CYP1B1: variants seen among roughly 807,000 people sequenced by gnomAD.
CYP1B1 encodes cytochrome P450 1B1.
Under a neutral mutation model 29.9 loss-of-function variants are expected in CYP1B1, and 22 were observed. The observed-to-expected ratio is 0.74, with a 90% CI of 0.53 to 1.05. The LOEUF (loss-of-function observed/expected upper bound fraction) is 1.05, where lower values mean the gene tolerates loss of function less well. Ranked by LOEUF, CYP1B1 falls within the 50% of genes least tolerant of loss-of-function variation. The pLI, the probability that CYP1B1 is intolerant of heterozygous loss-of-function variation, is 0.00. For synonymous variants in CYP1B1, 375 were observed against 320.0 expected, an observed-to-expected ratio of 1.17 and a Z score of -1.83; for missense variants, 883 against 746.9, an observed-to-expected ratio of 1.18 and a Z score of -2.12.
Position 38,075,321 on chromosome 2 carries a change from A to G in CYP1B1, c.68T>C (p.Leu23Pro), listed in dbSNP as rs1573276398. 1 of 1,612,736 alleles carries G rather than the reference A, an allele frequency of 6.2e-7. No homozygotes were observed. Among genetic ancestry groups the G allele is most frequent in the Non-Finnish European group, 8.5e-7 (1 of 1,179,816 alleles). ...LNPLSIQQTT[L>P]LLLLSVLATV... ...GGCCAGCACCGACAGGAGTAGCAGG[A>G]GCGTGGTCTGCTGGATGGACAGCGG... Residue 23 changes from leucine to proline, a missense_variant, in exon 2 of 3, where the codon CTC becomes CCC. Transcript: ENST00000610745.
Position 38,070,506 on chromosome 2 carries a change from T to G in CYP1B1, c.*216A>C, listed in dbSNP as rs540036718. 1.8e-6 allele frequency: 1 copy of G among 552,126 alleles called. No homozygotes were observed. The highest frequency in any genetic ancestry group is 1.9e-5 in the African/African-American group (1 of 52,814). 34.2% of individuals were successfully genotyped at this position (552,126 alleles called of 1,614,324 possible). A position where few individuals can be genotyped will look rare whatever the true frequency, so the allele number is the denominator to read the frequency against. Reference sequence around the variant, plus strand: ...TAATTCATTGGGCCCTTTAAGTCTTTGACTCAAAAAAATCTCCCAGAAGCT... The same window carrying G: ...TAATTCATTGGGCCCTTTAAGTCTTGGACTCAAAAAAATCTCCCAGAAGCT... On this transcript the variant is annotated 3_prime_UTR_variant, in exon 3 of 3. Transcript: ENST00000610745.
rs113962019 is a variant in CYP1B1, at chr2:38,071,320, G to A, written c.1044-10C>T. On this transcript the variant is annotated splice_polypyrimidine_tract_variant and intron_variant, in intron 2 of 2. Coordinates refer to ENST00000610745, the MANE Select transcript of CYP1B1 (RefSeq NM_000104.4). ...CTGCACATCAGGATACCTGTTTGGTGTTTAATGTGGAGAGAGAAAAGCAAG... is the reference window on the plus strand; with the variant it reads ...CTGCACATCAGGATACCTGTTTGGTATTTAATGTGGAGAGAGAAAAGCAAG... 1 of 1,611,754 alleles carries A rather than the reference G, an allele frequency of 6.2e-7. No homozygotes were observed. Among genetic ancestry groups the A allele is most frequent in the Admixed American group, 1.7e-5 (1 of 59,950 alleles).
Position 38,071,059 on chromosome 2 carries a change from A to G in CYP1B1, c.1295T>C (p.Leu432Pro), listed in dbSNP as rs1172871327. The change falls in exon 3 of 3, where the codon CTG becomes CCG. Residue 432 changes from leucine to proline, a missense_variant. By Grantham distance (98) the Leu-to-Pro change is moderately conservative (BLOSUM62 -3). Transcript: ENST00000610745. The stretch of plus-strand genomic sequence containing the variant: ...AAAGTTCTCCGGGTTAGGCCACTTC[A>G]GTGGGTCATGATTCACAGACCACTG... ...VNQWSVNHDPLKWPNPENFDP... is the reference protein window; with the variant it reads ...VNQWSVNHDPPKWPNPENFDP... 6.2e-7 allele frequency: 1 copy of G among 1,613,724 alleles called. No homozygotes were observed. The highest frequency in any genetic ancestry group is 1.7e-5 in the Admixed American group (1 of 59,980).
chr2:38,072,110 A>G (rs1280674425), intron 2 of CYP1B1, among the ~76,000 whole-genome samples: 1 of 152,272 alleles, frequency 6.6e-6, no homozygotes. Flanking sequence ...ATACGAGGCA[A>G]GAGACATGAA....
intron 2 of CYP1B1, chr2:38,073,340 G>T (rs1573274225): frequency 6.6e-6 from 1 of 152,314 alleles, no homozygotes; most frequent in South Asian, 2.1e-4. Flanking sequence ...TGTGCTCCAA[G>T]AAATGACACA....
At position 38,073,095 on chromosome 2, in the gene CYP1B1, T is replaced by C. The variant is rs145786798; in HGVS notation, c.1043+1251A>G. On this transcript the variant is annotated intron_variant, in intron 2 of 2. Transcript: ENST00000610745. ...CCGGGATTTCCTTTTCCCTGATCTC[T>C]GGTTGACTTTTCTTTATTCGATTTC... Among the ~76,000 whole-genome samples, 103 of 152,368 alleles carry C rather than the reference T, an allele frequency of 6.8e-4. 1 individual carries two copies. The highest frequency in any genetic ancestry group is 2.4e-3 in the African/African-American group (98 of 41,588).
At chr2:38,072,898 GA>G (rs9341254) in intron 2 of CYP1B1, among the ~76,000 whole-genome samples, 81,482 of 151,704 alleles carry the variant, frequency 0.54, 22,628 homozygotes, top group African/African-American at 0.68. Context: ...CACTAAAAAG[GA>G]AAAAAAAAGT....
chr2:38,074,665 C>G lies in CYP1B1; in HGVS notation c.724G>C (p.Asp242His), dbSNP rs750689183. ...AAGTACTGCAGCCAGGGCATCACGT[C>G]CACCAGGCTGCCCGCGCCCACCGTG... ...GRTVGAGSLV[D>H]VMPWLQYFPN... Residue 242 changes from aspartate (D) to histidine (H), a missense_variant, in exon 2 of 3, where the codon GAC (aspartate) becomes CAC (histidine). By Grantham distance (81) the Asp-to-His change is moderately conservative (BLOSUM62 -1). Coordinates refer to ENST00000610745, the MANE Select transcript of CYP1B1 (RefSeq NM_000104.4). The G allele has an allele frequency of 1.2e-5, 19 of 1,613,082 alleles. 2 individuals carry two copies. Among genetic ancestry groups the G allele is most frequent in the Middle Eastern group, 1.6e-4 (1 of 6,084 alleles).
In CYP1B1 at chr2:38,074,701, C is replaced by G. The variant is rs1682494638; in HGVS notation, c.688G>C (p.Glu230Gln). ...EFRELLSHNE[E>Q]FGRTVGAGSL... ...CCCGCGCCCACCGTGCGCCCGAACT[C>G]TTCGTTGTGGCTGAGCAGCTCACGG... Residue 230 changes from glutamate to glutamine, a missense_variant, in exon 2 of 3, where the codon GAG becomes CAG. Coordinates refer to ENST00000610745, the MANE Select transcript of CYP1B1 (RefSeq NM_000104.4). 1 of 1,612,442 alleles carries G rather than the reference C, an allele frequency of 6.2e-7. No homozygotes were observed. Among genetic ancestry groups the G allele is most frequent in the African/African-American group, 1.3e-5 (1 of 75,068 alleles).
At chr2:38,074,269 A>G in intron 2 of CYP1B1, 77 bp downstream of exon 2, 2 of 1,515,986 alleles carry the variant, frequency 1.3e-6, no homozygotes, top group South Asian at 1.2e-5. Context: ...CCCTGCTTGC[A>G]AACTCAGCAT....
rs1015868808 is a variant in CYP1B1 at position 38,069,710 on chromosome 2, TG to T, written c.*1011del. The T allele has an allele frequency of 5.0e-6, 1 of 201,538 alleles. No homozygotes were observed. Among genetic ancestry groups the T allele is most frequent in the Non-Finnish European group, 1.0e-5 (1 of 98,072 alleles). The allele number at this position is 201,538 out of a possible 1,614,324, so 12.5% of individuals were successfully genotyped here. A position where few individuals can be genotyped will look rare whatever the true frequency, so the allele number is the denominator to read the frequency against. On this transcript the variant is annotated 3_prime_UTR_variant, in exon 3 of 3. Coordinates refer to ENST00000610745, the MANE Select transcript of CYP1B1 (RefSeq NM_000104.4). ...TAATCAAGCTCATTTTTAGCACACT[TG>T]GTTGCGTTAGTTGTACTTTTCAATT... is the stretch of plus-strand genomic sequence containing the variant.
rs1375287723 is a variant in CYP1B1, at chr2:38,074,996, G to A, written c.393C>T (p.Ser131=). The change falls in exon 2 of 3, where the codon AGC becomes AGT. Residue 131 remains serine (S), a synonymous_variant. Transcript: ENST00000610745. ...ASFRVVSGGR[S]MAFGHYSEHW... is the part of the protein sequence containing the mutation. Reference sequence around the variant, plus strand: ...GCTCCGAGTAGTGGCCGAAAGCCATGCTGCGGCCGCCGGACACCACACGGA... The same window carrying A: ...GCTCCGAGTAGTGGCCGAAAGCCATACTGCGGCCGCCGGACACCACACGGA... 1 of 1,589,346 alleles carries A rather than the reference G, an allele frequency of 6.3e-7. No individual in the cohort carries two copies. Among genetic ancestry groups the A allele is most frequent in the South Asian group, 1.1e-5 (1 of 89,562 alleles).
Position 38,070,826 on chromosome 2 carries a change from T to G in CYP1B1, c.1528A>C (p.Thr510Pro), listed in dbSNP as rs754565922. ...ACTTTAAATGACTTGGGTTTAATGG[T>G]TAGACCATAACTGAAATTCATTTTC... The part of the protein sequence containing the change: ...PAKMNFSYGL[T>P]IKPKSFKVNV... The change falls in exon 3 of 3, where the codon ACC becomes CCC. Residue 510 changes from threonine (T) to proline (P), a missense_variant. By Grantham distance (38) the Thr-to-Pro change is conservative. Coordinates refer to ENST00000610745, the MANE Select transcript of CYP1B1 (RefSeq NM_000104.4). The G allele has an allele frequency of 6.2e-7, 1 of 1,614,200 alleles. No homozygotes were observed. The highest frequency in any genetic ancestry group is 1.1e-5 in the South Asian group (1 of 91,086).
Position 38,074,879 on chromosome 2 carries a change from C to A in CYP1B1, c.510G>T (p.Val170=). ...PRSRQVLEGH[V]LSEARELVAL... The stretch of plus-strand genomic sequence containing the variant: ...CCACCAGCTCGCGCGCCTCGCTCAG[C>A]ACGTGGCCCTCGAGGACTTGGCGGC... Residue 170 remains valine (V), a synonymous_variant, in exon 2 of 3, where the codon GTG becomes GTT. Transcript: ENST00000610745. 6.4e-7 allele frequency: 1 copy of A among 1,556,178 alleles called. No homozygotes were observed. The highest frequency in any genetic ancestry group is 1.9e-5 in the Admixed American group (1 of 51,878).
In CYP1B1 at chr2:38,072,587, G is replaced by GA. The variant is rs1297341476; in HGVS notation, c.1044-1278dup. Among the ~76,000 whole-genome samples, 4 of 151,908 alleles carry GA rather than the reference G, an allele frequency of 2.6e-5. No homozygotes were observed. The East Asian group carries it at 5.8e-4, about 22-fold the overall frequency. The stretch of plus-strand genomic sequence containing the variant: ...CAAGTAACTGATTGTTTGCAACTCC[G>GA]AAAAAAAATGTATACACGTATGTGA... On this transcript the variant is annotated intron_variant, in intron 2 of 2. Coordinates refer to ENST00000610745, the MANE Select transcript of CYP1B1 (RefSeq NM_000104.4).
Position 38,075,141 on chromosome 2 carries a change from T to TC in CYP1B1, c.247dup (p.Asp83GlyfsTer141), listed in dbSNP as rs1199876416. The TC allele has an allele frequency of 6.3e-7, 1 of 1,575,686 alleles. No individual in the cohort carries two copies. The highest frequency in any genetic ancestry group is 8.6e-7 in the Non-Finnish European group (1 of 1,168,542). ...GCTGCCCAGGCGGATCTGGAAAACGTCGCCGTAGCGCCGCGCCAGGCGAGC... is the reference window on the plus strand; with the variant it reads ...GCTGCCCAGGCGGATCTGGAAAACGTCCGCCGTAGCGCCGCGCCAGGCGAGC... On this transcript the variant is annotated frameshift_variant, in exon 2 of 3. Coordinates refer to ENST00000610745, the MANE Select transcript of CYP1B1 (RefSeq NM_000104.4). LOFTEE classifies it high-confidence loss of function.
At position 38,068,537 on chromosome 2, in the gene CYP1B1, C is replaced by T. The variant is rs1682359647; in HGVS notation, c.*2185G>A. On this transcript the variant is annotated 3_prime_UTR_variant, in exon 3 of 3. Transcript: ENST00000610745. ...CTACAGCAGCCCAAATTCACTGTCT[C>T]AGCCTTGGTGGGGCATAATATTTTG... 4.4e-6 allele frequency: 1 copy of T among 226,584 alleles called. No homozygotes were observed. The highest frequency in any genetic ancestry group is 1.8e-4 in the South Asian group (1 of 5,486). 14.0% of individuals were successfully genotyped at this position (226,584 alleles called of 1,614,324 possible).
At position 38,075,039 on chromosome 2, in the gene CYP1B1, C is replaced by T. The variant is rs1450783755; in HGVS notation, c.350G>A (p.Arg117Gln). The change falls in exon 2 of 3, where the codon CGG becomes CAG. Residue 117 changes from arginine (R) to glutamine (Q), a missense_variant. By Grantham distance (43) the Arg-to-Gln change is conservative (BLOSUM62 1). Transcript: ENST00000610745. ...CACACGGAAGGAGGCGAAGGCCGGC[C>T]GGTCGGCGAAGGCCGAGCCCTGCTG... is the stretch of plus-strand genomic sequence containing the variant. ...LVQQGSAFADRPAFASFRVVS... is the reference protein window; with the variant it reads ...LVQQGSAFADQPAFASFRVVS... The T allele has an allele frequency of 1.9e-6, 3 of 1,588,800 alleles. No homozygotes were observed. Among genetic ancestry groups the T allele is most frequent in the African/African-American group, 1.3e-5 (1 of 74,860 alleles).
chr2:38,075,097 T>C lies in CYP1B1; in HGVS notation c.292A>G (p.Asn98Asp). 1 of 1,581,108 alleles carries C rather than the reference T, an allele frequency of 6.3e-7. No individual in the cohort carries two copies. Among genetic ancestry groups the C allele is most frequent in the Non-Finnish European group, 8.5e-7 (1 of 1,171,330 alleles). Reference sequence around the variant, plus strand: ...GCCTGGTGGATGGCGCGCTCGCCATTCAGCACCACTATGGGGCAGCTGCCC... The same window carrying C: ...GCCTGGTGGATGGCGCGCTCGCCATCCAGCACCACTATGGGGCAGCTGCCC... ...RLGSCPIVVL[N>D]GERAIHQALV... The change falls in exon 2 of 3, where the codon AAT becomes GAT. Residue 98 changes from asparagine to aspartate, a missense_variant. Transcript: ENST00000610745.
Sources: gnomAD v4.1 joint callset for allele counts (sites outside exome capture counted in the v4.1 genomes callset) on GRCh38, gnomAD v4.1.1 for gene constraint, MANE v1.5 for transcripts, NCBI Gene and HGNC (gene_info 2026-07-23, HGNC 2026-07-21) for gene names.